Variants in ZBTB5 observed in about 807,000 individuals in gnomAD.
The protein encoded by ZBTB5 is zinc finger and BTB domain-containing protein 5.
A neutral mutation model predicts 37.9 loss-of-function variants in ZBTB5; 15 were observed. The ratio of observed to expected loss-of-function variants is 0.40; its 90% CI spans 0.26 to 0.61. The LOEUF (loss-of-function observed/expected upper bound fraction) is 0.61, where lower values mean the gene tolerates loss of function less well. ZBTB5 is among the 20% of genes least tolerant of loss of function. The pLI is 0.47. For synonymous variants in ZBTB5, 315 were observed against 312.4 expected, an observed-to-expected ratio of 1.01 and a Z score of -0.09; for missense variants, 708 against 856.8, an observed-to-expected ratio of 0.83 and a Z score of 2.17.
intron 1 of ZBTB5, among the ~76,000 whole-genome samples, chr9:37,449,773 C>T (rs1824065679): frequency 6.6e-6 from 1 of 151,362 alleles, no homozygotes; most frequent in African/African-American, 2.4e-5. Context: ...TGAGGGTAAG[C>T]CAGCCCTCGG....
At chr9:37,462,376 G>A (rs1416671664) in intron 1 of ZBTB5, among the ~76,000 whole-genome samples, 2 of 152,076 alleles carry the variant, frequency 1.3e-5, no homozygotes, top group Admixed American at 6.6e-5. Flanking sequence ...GCCGAAGACA[G>A]TTTAAAAGCT....
intron 1 of ZBTB5, among the ~76,000 whole-genome samples, chr9:37,456,251 G>A (rs1824186496): frequency 6.6e-6 from 1 of 152,050 alleles, no homozygotes; most frequent in Non-Finnish European, 1.5e-5. Context: ...CACCCACCTG[G>A]CCCAGGCTAG....
In ZBTB5 at chr9:37,440,407, G is replaced by T; in HGVS notation, c.*111C>A. The T allele has an allele frequency of 1.2e-6, 1 of 846,216 alleles. No individual in the cohort carries two copies. The highest frequency in any genetic ancestry group is 1.8e-6 in the Non-Finnish European group (1 of 550,586). The allele number at this position is 846,216 out of a possible 1,614,324, so 52.4% of individuals were successfully genotyped here. On this transcript the variant is annotated 3_prime_UTR_variant, in exon 2 of 2. Coordinates refer to ENST00000307750, the MANE Select transcript of ZBTB5 (RefSeq NM_014872.3). ...TTCTCCGGTTATTAGTTGCTAAACT[G>T]TTTAAGAGCCACTGGGCAGCTGGAA...
intron 1 of ZBTB5, among the ~76,000 whole-genome samples, chr9:37,453,216 G>T (rs1824132769): frequency 6.6e-6 from 1 of 152,140 alleles, no homozygotes; most frequent in Non-Finnish European, 1.5e-5. Flanking sequence ...TAGTGACAGG[G>T]TCTTGCTCTG....
At chr9:37,460,942 T>C (rs547515487) in intron 1 of ZBTB5, among the ~76,000 whole-genome samples, 1 of 152,210 alleles carries the variant, frequency 6.6e-6, no homozygotes, top group Non-Finnish European at 1.5e-5. Context: ...TGACAAAGCT[T>C]TGGAGACACT....
chr9:37,457,638 A>G (rs564231670), intron 1 of ZBTB5, among the ~76,000 whole-genome samples: 8 of 152,392 alleles, frequency 5.2e-5, no homozygotes, highest in African/African-American at 1.9e-4. Flanking sequence ...TAAGATATAC[A>G]TGAATAACGA....
At chr9:37,458,484 A>G (rs1193857971) in intron 1 of ZBTB5, among the ~76,000 whole-genome samples, 2 of 152,250 alleles carry the variant, frequency 1.3e-5, no homozygotes, top group African/African-American at 4.8e-5. Flanking sequence ...GTTATTTAGA[A>G]GTATTTACCA....
intron 1 of ZBTB5, among the ~76,000 whole-genome samples, chr9:37,446,051 G>T (rs1333849931): frequency 6.6e-6 from 1 of 152,164 alleles, no homozygotes; most frequent in Non-Finnish European, 1.5e-5. Context: ...AGGTTATAGA[G>T]AGCAAAGATC....
chr9:37,465,027 G>A (rs1181192327), intron 1 of ZBTB5, among the ~76,000 whole-genome samples, 188 bp downstream of exon 1: 1 of 151,988 alleles, frequency 6.6e-6, no homozygotes, highest in Non-Finnish European at 1.5e-5. Flanking sequence ...GGACGCCTGC[G>A]CAGAAGAACC....
intron 1 of ZBTB5, among the ~76,000 whole-genome samples, chr9:37,464,690 C>T (rs1824357089): frequency 6.6e-6 from 1 of 152,240 alleles, no homozygotes; most frequent in Admixed American, 6.5e-5. Flanking sequence ...CAATAAATGC[C>T]TATTAAACAC....
intron 1 of ZBTB5, among the ~76,000 whole-genome samples, chr9:37,451,780 T>C (rs1273877853): frequency 2.0e-5 from 3 of 152,104 alleles, no homozygotes; most frequent in Admixed American, 6.6e-5. Flanking sequence ...TGCTGATTGG[T>C]TGGCTTAGGG....
intron 1 of ZBTB5, among the ~76,000 whole-genome samples, chr9:37,442,861 A>G (rs1296796665): frequency 6.6e-6 from 1 of 152,246 alleles, no homozygotes; most frequent in Non-Finnish European, 1.5e-5. Context: ...GAGTGATGGC[A>G]TATCTATCCC....
intron 1 of ZBTB5, among the ~76,000 whole-genome samples, chr9:37,450,788 C>T (rs1204059713): frequency 1.3e-5 from 2 of 151,710 alleles, no homozygotes; most frequent in East Asian, 1.9e-4. Flanking sequence ...TCGCTTGAAC[C>T]TGGGAGGCGG....
At chr9:37,447,958 A>G (rs1824021628) in intron 1 of ZBTB5, among the ~76,000 whole-genome samples, 1 of 152,104 alleles carries the variant, frequency 6.6e-6, no homozygotes, top group Admixed American at 6.6e-5. Flanking sequence ...GGAGTTGGAG[A>G]ACAGCCTAGG....
intron 1 of ZBTB5, among the ~76,000 whole-genome samples, chr9:37,443,449 G>A (rs568481859): frequency 1.3e-5 from 2 of 152,250 alleles, no homozygotes; most frequent in East Asian, 3.9e-4. Flanking sequence ...AGGTAAATGA[G>A]TGCTAACTGA....
intron 1 of ZBTB5, among the ~76,000 whole-genome samples, chr9:37,453,423 T>C (rs1824136573): frequency 6.6e-6 from 1 of 152,114 alleles, no homozygotes; most frequent in Non-Finnish European, 1.5e-5. Flanking sequence ...CAAGGGATCC[T>C]TCCGCCTCAG....
Position 37,438,990 on chromosome 9 carries a change from C to A in ZBTB5, c.*1528G>T, listed in dbSNP as rs1443226287. Reference sequence around the variant, plus strand: ...AGAGAAAACACGCTCATTTTTGTTTCCAGCTACACATACTTAGCTTTCTAA... The same window carrying A: ...AGAGAAAACACGCTCATTTTTGTTTACAGCTACACATACTTAGCTTTCTAA... On this transcript the variant is annotated 3_prime_UTR_variant, in exon 2 of 2. Coordinates refer to ENST00000307750, the MANE Select transcript of ZBTB5 (RefSeq NM_014872.3). The A allele has an allele frequency of 6.6e-6, 1 of 152,202 alleles. No homozygotes were observed. Among genetic ancestry groups the A allele is most frequent in the Non-Finnish European group, 1.5e-5 (1 of 68,026 alleles). 9.4% of individuals were successfully genotyped at this position (152,202 alleles called of 1,614,324 possible).
At chr9:37,449,792 T>C (rs1337288868) in intron 1 of ZBTB5, among the ~76,000 whole-genome samples, 1 of 152,060 alleles carries the variant, frequency 6.6e-6, no homozygotes, top group East Asian at 1.9e-4. Flanking sequence ...GGTAAGGTTT[T>C]CCTTTTAATA....
rs149437313 is a variant in ZBTB5 at position 37,449,428 on chromosome 9, T to C, written c.-4-6873A>G. Among the ~76,000 whole-genome samples, 295 of 152,224 alleles carry C rather than the reference T, an allele frequency of 1.9e-3. 2 individuals carry two copies. Among genetic ancestry groups the C allele is most frequent in the African/African-American group, 6.8e-3 (281 of 41,540 alleles). On this transcript the variant is annotated intron_variant, in intron 1 of 1. Transcript: ENST00000307750. ...ATGAGTAAAAAAAGGCCTGGTGCGG[T>C]AGCTCATGCCTGTAATCTCAGCACT...
Sources: gnomAD v4.1 joint callset for allele counts (sites outside exome capture counted in the v4.1 genomes callset) on GRCh38, gnomAD v4.1.1 for gene constraint, MANE v1.5 for transcripts, NCBI Gene and HGNC (gene_info 2026-07-23, HGNC 2026-07-21) for gene names.